The following SLC8A1 variants were observed in gnomAD, a reference collection of about 807,000 sequenced individuals.
SLC8A1 encodes the protein sodium/calcium exchanger 1.
In SLC8A1, 18 loss-of-function variants were observed where a neutral mutation model predicts 68.3. That is an observed-to-expected ratio of 0.26 (90% confidence interval 0.18 to 0.39). The LOEUF is 0.39. Ranked by LOEUF, SLC8A1 falls within the 10% of genes least tolerant of loss-of-function variation. SLC8A1 has a pLI of 1.00. For synonymous variants in SLC8A1, 475 were observed against 415.5 expected, an observed-to-expected ratio of 1.14 and a Z score of -1.74; for missense variants, 985 against 1,156.7, an observed-to-expected ratio of 0.85 and a Z score of 2.15.
chr2:40,282,460 G>C (rs535244661), intron 2 of SLC8A1, among the ~76,000 whole-genome samples: 2 of 152,272 alleles, frequency 1.3e-5, no homozygotes, highest in African/African-American at 2.4e-5. Context: ...TGTCTAGTTT[G>C]AAAGTTTGCC....
At chr2:40,461,303 T>TA in intron 1 of SLC8A1, among the ~76,000 whole-genome samples, 1 of 152,186 alleles carries the variant, frequency 6.6e-6, no homozygotes, top group East Asian at 1.9e-4. Context: ...ATGGTAGCAA[T>TA]AAAAAGCAGA....
At chr2:40,190,139 T>A (rs2051492512) in intron 2 of SLC8A1, among the ~76,000 whole-genome samples, 1 of 152,206 alleles carries the variant, frequency 6.6e-6, no homozygotes, top group Admixed American at 6.5e-5. Flanking sequence ...GCTAAATCAC[T>A]CGCAAATGCC....
chr2:40,289,861 A>G (rs923932310), intron 2 of SLC8A1, among the ~76,000 whole-genome samples: 6 of 150,310 alleles, frequency 4.0e-5, no homozygotes, highest in Non-Finnish European at 7.4e-5. Context: ...ACTCAGTCTC[A>G]AAAATTAAAT....
chr2:40,321,894 T>C (rs1195943604), intron 2 of SLC8A1, among the ~76,000 whole-genome samples: 3 of 152,138 alleles, frequency 2.0e-5, no homozygotes, highest in Non-Finnish European at 4.4e-5. Context: ...TATTTTCCAC[T>C]CATTTAATCA....
chr2:40,191,096 C>A (rs1253259332), intron 2 of SLC8A1, among the ~76,000 whole-genome samples: 2 of 152,098 alleles, frequency 1.3e-5, no homozygotes, highest in African/African-American at 2.4e-5. Context: ...TGGTGAAATA[C>A]TCCTTGAATG....
intron 1 of SLC8A1, among the ~76,000 whole-genome samples, chr2:40,433,124 A>C (rs1161280234): frequency 6.6e-6 from 1 of 152,132 alleles, no homozygotes; most frequent in Non-Finnish European, 1.5e-5. Flanking sequence ...TTCACGTTTC[A>C]GCCAAAATGA....
intron 2 of SLC8A1, among the ~76,000 whole-genome samples, chr2:40,408,842 C>A (rs561088450): frequency 5.3e-4 from 81 of 152,076 alleles, no homozygotes; most frequent in Non-Finnish European, 7.6e-4. Context: ...AGCATTTGAG[C>A]ACATTTCAAC....
intron 2 of SLC8A1, among the ~76,000 whole-genome samples, chr2:40,289,126 A>T (rs971630157): frequency 7.9e-5 from 12 of 152,198 alleles, no homozygotes; most frequent in African/African-American, 2.6e-4. Context: ...AATGTATTAT[A>T]AAACTTTTAC....
chr2:40,193,005 C>T (rs1169384833), intron 2 of SLC8A1, among the ~76,000 whole-genome samples: 5 of 152,046 alleles, frequency 3.3e-5, no homozygotes, highest in Non-Finnish European at 4.4e-5. Context: ...GTGCATTCCC[C>T]GTGACAGTGA....
chr2:40,106,409 G>C (rs923191827), exon 8 of SLC8A1: 2 of 151,974 alleles, frequency 1.3e-5, no homozygotes, highest in African/African-American at 4.8e-5. Flanking sequence ...TTGGGTGCTA[G>C]ACTCATTTAA....
chr2:40,472,693 G>T (rs1209256631), intron 1 of SLC8A1, among the ~76,000 whole-genome samples: 3 of 151,958 alleles, frequency 2.0e-5, no homozygotes, highest in Non-Finnish European at 4.4e-5. Context: ...CACCTACCAT[G>T]GCCCATACCC....
At chr2:40,159,526 G>A (rs965764293) in intron 6 of SLC8A1, among the ~76,000 whole-genome samples, 7 of 152,240 alleles carry the variant, frequency 4.6e-5, no homozygotes, top group East Asian at 3.9e-4. Context: ...TATTGGCTTC[G>A]TCAGCAGTTT....
chr2:40,248,163 C>T (rs1401589870), intron 2 of SLC8A1, among the ~76,000 whole-genome samples: 1 of 152,068 alleles, frequency 6.6e-6, no homozygotes, highest in Non-Finnish European at 1.5e-5. Context: ...TGTTAAGAGG[C>T]CTGAATGTTC....
intron 7 of SLC8A1, among the ~76,000 whole-genome samples, chr2:40,127,060 G>GA (rs1314393122): frequency 3.3e-5 from 5 of 152,128 alleles, no homozygotes; most frequent in African/African-American, 1.2e-4. Context: ...TGGTGTGGAG[G>GA]AAAAACCACT....
chr2:40,320,117 C>G (rs2075011123), intron 2 of SLC8A1, among the ~76,000 whole-genome samples: 1 of 152,128 alleles, frequency 6.6e-6, no homozygotes, highest in African/African-American at 2.4e-5. Flanking sequence ...CCATCACCAT[C>G]ATCTTCATAT....
In SLC8A1 at chr2:40,378,018, T is replaced by C. The variant is rs372924473; in HGVS notation, c.1808+50455A>G. On this transcript the variant is annotated intron_variant, in intron 2 of 7. Coordinates refer to ENST00000406785, the Ensembl canonical transcript of SLC8A1. ...TTATCCTGTACTCTTTGTCATCCAT[T>C]CATTCATTCATCAAATATGTATTAA... Among the ~76,000 whole-genome samples, 22 of 152,270 alleles carry C rather than the reference T, an allele frequency of 1.4e-4. No homozygotes were observed. In the East Asian group the frequency reaches 3.5e-3, roughly 24 times the overall value.
chr2:40,370,550 G>A (rs1334906846), intron 2 of SLC8A1, among the ~76,000 whole-genome samples: 1 of 152,028 alleles, frequency 6.6e-6, no homozygotes, highest in Non-Finnish European at 1.5e-5. Context: ...GGAAAAAACT[G>A]CATTTCTTAG....
At chr2:40,462,112 T>C (rs993277725) in intron 1 of SLC8A1, among the ~76,000 whole-genome samples, 2 of 148,808 alleles carry the variant, frequency 1.3e-5, no homozygotes, top group Non-Finnish European at 3.0e-5. Context: ...GTTCGAGCAA[T>C]TCTCCTGCCT....
At chr2:40,494,629 A>C (rs1705552213) in intron 1 of SLC8A1, among the ~76,000 whole-genome samples, 1 of 136,170 alleles carries the variant, frequency 7.3e-6, no homozygotes, top group African/African-American at 2.8e-5. Context: ...GTACCCTAGA[A>C]CTTAAAGTAT....
Sources: gnomAD v4.1 joint callset for allele counts (sites outside exome capture counted in the v4.1 genomes callset) on GRCh38, gnomAD v4.1.1 for gene constraint, MANE v1.5 for transcripts, NCBI Gene and HGNC (gene_info 2026-07-23, HGNC 2026-07-21) for gene names.